Variants in GLIPR1 observed in about 807,000 individuals in gnomAD.
GLIPR1 encodes the protein glioma pathogenesis-related protein 1.
In GLIPR1, 38 loss-of-function variants were observed where a neutral mutation model predicts 30.3. The ratio of observed to expected loss-of-function variants is 1.26; its 90% CI spans 0.97 to 1.65. GLIPR1 has a LOEUF of 1.65. Ranked by LOEUF, GLIPR1 falls within the 40% of genes most tolerant of loss-of-function variation. GLIPR1 has a pLI of 0.00. For synonymous variants in GLIPR1, 122 were observed against 110.6 expected, an observed-to-expected ratio of 1.10 and a Z score of -0.65; for missense variants, 285 against 326.5, an observed-to-expected ratio of 0.87 and a Z score of 0.98.
intron 2 of GLIPR1, among the ~76,000 whole-genome samples, chr12:75,487,576 A>C (rs1215491332): frequency 6.6e-6 from 1 of 152,144 alleles, no homozygotes; most frequent in East Asian, 1.9e-4. Context: ...CCCTTGCCAA[A>C]GGAGGGTACC....
intron 3 of GLIPR1, chr12:75,491,737 C>T (rs1315268349): frequency 6.6e-6 from 1 of 152,000 alleles, no homozygotes; most frequent in Non-Finnish European, 1.5e-5. Flanking sequence ...TATTTATATT[C>T]CTTTTTCTGT....
At chr12:75,481,140 T>G in intron 1 of GLIPR1, 86 bp downstream of exon 1, 1 of 926,142 alleles carries the variant, frequency 1.1e-6, no homozygotes, top group Non-Finnish European at 1.6e-6. Context: ...TTCGTAATAC[T>G]GAATGATTTT....
At chr12:75,488,268 T>C (rs981879131) in intron 2 of GLIPR1, among the ~76,000 whole-genome samples, 1 of 152,200 alleles carries the variant, frequency 6.6e-6, no homozygotes, top group African/African-American at 2.4e-5. Context: ...CCGGGCATGG[T>C]GGCTCACGCC....
chr12:75,482,205 C>T, intron 2 of GLIPR1, 126 bp downstream of exon 2: 1 of 826,456 alleles, frequency 1.2e-6, no homozygotes, highest in East Asian at 2.5e-5. Context: ...TTAAATAGAA[C>T]AGCCTCCAAG....
chr12:75,498,388 ATTTAATT>A, intron 4 of GLIPR1: 1 of 212,342 alleles, frequency 4.7e-6, no homozygotes, highest in Non-Finnish European at 9.3e-6. Context: ...ACATTCTAAT[ATTTAATT>A]TTTATTTTTT....
intron 2 of GLIPR1, among the ~76,000 whole-genome samples, chr12:75,486,128 G>T (rs1024195120): frequency 1.3e-5 from 2 of 152,096 alleles, no homozygotes; most frequent in African/African-American, 4.8e-5. Flanking sequence ...AGTACTTCAT[G>T]GCCAGGCAGA....
At position 75,502,212 on chromosome 12, in the gene GLIPR1, C is replaced by A; in HGVS notation, c.*3234C>A. The A allele has an allele frequency of 2.1e-6, 1 of 481,736 alleles. No homozygotes were observed. Among genetic ancestry groups the A allele is most frequent in the Non-Finnish European group, 3.7e-6 (1 of 270,546 alleles). The allele number at this position is 481,736 out of a possible 1,614,324, so 29.8% of individuals were successfully genotyped here. A position where few individuals can be genotyped will look rare whatever the true frequency, so the allele number is the denominator to read the frequency against. On this transcript the variant is annotated 3_prime_UTR_variant, in exon 6 of 6. Coordinates refer to ENST00000266659, the MANE Select transcript of GLIPR1 (RefSeq NM_006851.3). ...GAAAGCACCTCCATGGAATACAACC[C>A]AGAGTAGTTCAGGGATATGGCATGG...
intron 4 of GLIPR1, chr12:75,497,395 T>C (rs1467732638): frequency 1.3e-5 from 2 of 152,172 alleles, no homozygotes; most frequent in African/African-American, 2.4e-5. Flanking sequence ...ACATGCTAAC[T>C]TGTATTTATA....
In GLIPR1 at chr12:75,499,977, T is replaced by TA; in HGVS notation, c.*999_*1000insA. ...CTAGACAAATTAAAAGCACAACACA[T>TA]GTAATACTTTAGATTTTACCAAGTA... On this transcript the variant is annotated 3_prime_UTR_variant, in exon 6 of 6. Coordinates refer to ENST00000266659, the MANE Select transcript of GLIPR1 (RefSeq NM_006851.3). 1 of 1,559,842 alleles carries TA rather than the reference T, an allele frequency of 6.4e-7. No homozygotes were observed. Among genetic ancestry groups the TA allele is most frequent in the South Asian group, 1.2e-5 (1 of 83,520 alleles).
chr12:75,498,879 TTC>T lies in GLIPR1; in HGVS notation c.708_709del (p.Phe237SerfsTer4). 6.2e-7 allele frequency: 1 copy of T among 1,610,640 alleles called. No individual in the cohort carries two copies. The highest frequency in any genetic ancestry group is 8.5e-7 in the Non-Finnish European group (1 of 1,177,090). The stretch of plus-strand genomic sequence containing the variant: ...CCATATATCCACGTAACAGATACAC[TTC>T]TCTCTTTCTCATTGTTAATTCAGTA... ...WPIYPRNRYTSLFLIVNSVIL... is the reference protein window; with the variant it reads ...WPIYPRNRYTXLFLIVNSVIL... On this transcript the variant is annotated frameshift_variant, in exon 6 of 6. Transcript: ENST00000266659. LOFTEE classifies it low-confidence loss of function (END_TRUNC).
chr12:75,498,883 C>CTCTT lies in GLIPR1; in HGVS notation c.710_713dup (p.Ile239SerfsTer4), dbSNP rs757998994. The CTCTT allele has an allele frequency of 1.9e-6, 3 of 1,610,532 alleles. No homozygotes were observed. Among genetic ancestry groups the CTCTT allele is most frequent in the African/African-American group, 2.7e-5 (2 of 74,920 alleles). On this transcript the variant is annotated frameshift_variant, in exon 6 of 6. Transcript: ENST00000266659. LOFTEE classifies it low-confidence loss of function (END_TRUNC). The stretch of plus-strand genomic sequence containing the variant: ...ATATCCACGTAACAGATACACTTCT[C>CTCTT]TCTTTCTCATTGTTAATTCAGTAAT...
intron 2 of GLIPR1, 99 bp downstream of exon 2, chr12:75,482,178 C>A: frequency 8.9e-6 from 9 of 1,008,908 alleles, no homozygotes; most frequent in Non-Finnish European, 1.2e-5. Context: ...GCTAGTATAC[C>A]TGTAAATATA....
Position 75,490,468 on chromosome 12 carries a change from C to A in GLIPR1, c.483C>A (p.Gly161=). ...CAVQFCPKVS[G]FDALSNGAHF... ...TTCAATTTTGCCCTAAAGTTTCTGG[C>A]TTTGACGCTCTTTCCAATGGAGCAC... Residue 161 remains glycine (G), a synonymous_variant, in exon 3 of 6, where the codon GGC becomes GGA. Coordinates refer to ENST00000266659, the MANE Select transcript of GLIPR1 (RefSeq NM_006851.3). The A allele has an allele frequency of 6.9e-7, 1 of 1,448,606 alleles. No individual in the cohort carries two copies. The highest frequency in any genetic ancestry group is 9.3e-7 in the Non-Finnish European group (1 of 1,079,528). 89.7% of individuals were successfully genotyped at this position (1,448,606 alleles called of 1,614,324 possible).
chr12:75,492,147 G>A (rs1230876180), intron 3 of GLIPR1: 5 of 149,688 alleles, frequency 3.3e-5, no homozygotes, highest in Non-Finnish European at 7.4e-5. Flanking sequence ...GGAGTACAGT[G>A]GCTCGCTTAC....
At chr12:75,481,117 T>G in intron 1 of GLIPR1, 63 bp downstream of exon 1, 1 of 1,239,130 alleles carries the variant, frequency 8.1e-7, no homozygotes. Flanking sequence ...GTATTGACTT[T>G]GGTGTTAATA....
Position 75,503,796 on chromosome 12 carries a change from AATAT to A in GLIPR1, c.*4828_*4831del. 1 of 950,174 alleles carries A rather than the reference AATAT, an allele frequency of 1.1e-6. No homozygotes were observed. Among genetic ancestry groups the A allele is most frequent in the Non-Finnish European group, 1.6e-6 (1 of 644,640 alleles). The allele number at this position is 950,174 out of a possible 1,614,324, so 58.9% of individuals were successfully genotyped here. ...CTTATAGCTCTGCACACACACACAC[AATAT>A]ATATATATACACATATCCCACCTGA... is the stretch of plus-strand genomic sequence containing the variant. On this transcript the variant is annotated 3_prime_UTR_variant, in exon 6 of 6. Transcript: ENST00000266659.
At chr12:75,482,928 C>T (rs1431718234) in intron 2 of GLIPR1, among the ~76,000 whole-genome samples, 1 of 152,066 alleles carries the variant, frequency 6.6e-6, no homozygotes, top group African/African-American at 2.4e-5. Flanking sequence ...CTATAATTGA[C>T]TGTTTTGGGG....
At chr12:75,498,524 A>T in intron 4 of GLIPR1, 170 bp from the exon 5 acceptor site, 1 of 551,106 alleles carries the variant, frequency 1.8e-6, no homozygotes. Flanking sequence ...TAAAAATACC[A>T]AGTTAATTCA....
intron 2 of GLIPR1, among the ~76,000 whole-genome samples, chr12:75,485,420 G>A (rs2046288855): frequency 6.6e-6 from 1 of 152,020 alleles, no homozygotes; most frequent in Non-Finnish European, 1.5e-5. Context: ...ATCTGGGCAG[G>A]GTAGAGGATT....
Sources: gnomAD v4.1 joint callset for allele counts (sites outside exome capture counted in the v4.1 genomes callset) on GRCh38, gnomAD v4.1.1 for gene constraint, MANE v1.5 for transcripts, NCBI Gene and HGNC (gene_info 2026-07-23, HGNC 2026-07-21) for gene names.